TRIM16: variants seen among roughly 807,000 people sequenced by gnomAD.
TRIM16 encodes tripartite motif containing 16.
A neutral mutation model predicts 50.4 loss-of-function variants in TRIM16; 33 were observed. The observed-to-expected ratio is 0.65, with a 90% confidence interval of 0.50 to 0.88. The LOEUF is 0.88. Ranked by LOEUF, TRIM16 falls within the 40% of genes least tolerant of loss-of-function variation. TRIM16 has a pLI of 0.00. For synonymous variants in TRIM16, 229 were observed against 270.7 expected (o/e 0.85, Z 1.51); for missense variants, 581 against 686.8 (o/e 0.85, Z 1.72).
At chr17:15,677,984 G>A (rs1352632970) in intron 4 of TRIM16, among the ~76,000 whole-genome samples, 1 of 152,136 alleles carries the variant, frequency 6.6e-6, no homozygotes, top group South Asian at 2.1e-4. Flanking sequence ...TTGGGAGGCC[G>A]AGGTGGGCAG....
At chr17:15,671,812 A>C (rs908562366) in intron 6 of TRIM16, among the ~76,000 whole-genome samples, 4 of 152,204 alleles carry the variant, frequency 2.6e-5, no homozygotes, top group Non-Finnish European at 5.9e-5. Context: ...ATAAATAGTA[A>C]GTAAGCAGCA....
intron 6 of TRIM16, among the ~76,000 whole-genome samples, chr17:15,660,422 G>A (rs1331471393): frequency 1.3e-5 from 2 of 151,968 alleles, no homozygotes; most frequent in African/African-American, 2.4e-5. Flanking sequence ...TTGCTCAAAT[G>A]GTTTTGATTT....
chr17:15,660,621 G>A (rs1424636109), intron 6 of TRIM16, among the ~76,000 whole-genome samples: 2 of 152,114 alleles, frequency 1.3e-5, no homozygotes, highest in Admixed American at 1.3e-4. Context: ...CAGAGGGGCC[G>A]GGCGCGGTGG....
At chr17:15,656,094 A>C (rs1987968249) in intron 6 of TRIM16, among the ~76,000 whole-genome samples, 1 of 152,024 alleles carries the variant, frequency 6.6e-6, no homozygotes, top group East Asian at 1.9e-4. Context: ...GCTCATCTTC[A>C]GCCCTCTGGG....
In TRIM16 at chr17:15,628,653, C is replaced by T. The variant is rs953695231; in HGVS notation, c.1657G>A (p.Glu553Lys). ...IRIVDLGEEP[E>K]KPAPSLVGTA... ...CCCACCAAGGACGGTGCTGGCTTCT[C>T]GGGTTCCTCTCCCAGATCTACAATC... The change falls in exon 12 of 12, where the codon GAG becomes AAG. Residue 553 changes from glutamate (E) to lysine (K), a missense_variant. By Grantham distance (56) the Glu-to-Lys change is moderately conservative. Coordinates refer to ENST00000649191, the MANE Select transcript of TRIM16 (RefSeq NM_001348119.1). 9.3e-6 allele frequency: 15 copies of T among 1,613,604 alleles called. No homozygotes were observed. The highest frequency in any genetic ancestry group is 2.7e-5 in the African/African-American group (2 of 75,000).
intron 8 of TRIM16, among the ~76,000 whole-genome samples, chr17:15,641,176 A>G (rs1987099025): frequency 6.8e-6 from 1 of 147,690 alleles, no homozygotes. Flanking sequence ...ATTGAGAAAC[A>G]CTTCTTTCTT....
At chr17:15,637,334 C>T (rs1449663664) in intron 8 of TRIM16, among the ~76,000 whole-genome samples, 1 of 112,876 alleles carries the variant, frequency 8.9e-6, no homozygotes, top group African/African-American at 4.0e-5. Context: ...CCACCCCGTC[C>T]GGGAGGGAGA....
rs2654358 is a variant in TRIM16 at position 15,674,860 on chromosome 17, A to G, written c.-338+2316T>C. Among the ~76,000 whole-genome samples, 896 of 152,058 alleles carry G rather than the reference A, an allele frequency of 5.9e-3. 8 individuals are homozygous for G. Among genetic ancestry groups the G allele is most frequent in the African/African-American group, 0.02 (839 of 41,348 alleles). On this transcript the variant is annotated intron_variant, in intron 6 of 11. Transcript: ENST00000649191. ...ACAAAACAGTGGGATGAGGTAAAGC[A>G]AACAAAAGCTGCCCACAGGAGGGTA...
chr17:15,665,425 C>T (rs1389409909), intron 6 of TRIM16, among the ~76,000 whole-genome samples: 5 of 152,158 alleles, frequency 3.3e-5, no homozygotes, highest in African/African-American at 1.2e-4. Context: ...AGGAGAATGG[C>T]GTGAACCCGG....
Position 15,683,201 on chromosome 17 carries a change from G to A in TRIM16, c.-898-44C>T, listed in dbSNP as rs1393581718. 5.7e-6 allele frequency: 8 copies of A among 1,406,554 alleles called. No individual in the cohort carries two copies. In the Admixed American group the frequency reaches 1.5e-4, roughly 26 times the overall value. The allele number at this position is 1,406,554 out of a possible 1,614,324, so 87.1% of individuals were successfully genotyped here. A position where few individuals can be genotyped will look rare whatever the true frequency, so the allele number is the denominator to read the frequency against. On this transcript the variant is annotated intron_variant, in intron 1 of 11. Transcript: ENST00000649191. Reference sequence around the variant, plus strand: ...GATTGAAGTTTTCCCCTTTTTCATTGTATTTCTTTTTTCATTCTCTGAGAC... The same window carrying A: ...GATTGAAGTTTTCCCCTTTTTCATTATATTTCTTTTTTCATTCTCTGAGAC...
chr17:15,676,792 T>C (rs1204444273), intron 6 of TRIM16, among the ~76,000 whole-genome samples: 1 of 152,166 alleles, frequency 6.6e-6, no homozygotes, highest in Non-Finnish European at 1.5e-5. Context: ...CAACAAATTA[T>C]GTCAATTTTA....
At chr17:15,680,328 A>AGGCCCTCAATAATAAG (rs1989134337) in intron 4 of TRIM16, among the ~76,000 whole-genome samples, 1 of 112,204 alleles carries the variant, frequency 8.9e-6, no homozygotes, top group African/African-American at 4.5e-5. Flanking sequence ...TATATTGAGT[A>AGGCCCTCAATAATAAG]GGCCCTTAAT....
intron 4 of TRIM16, among the ~76,000 whole-genome samples, chr17:15,680,618 A>G (rs976213607): frequency 5.3e-5 from 8 of 152,018 alleles, no homozygotes; most frequent in African/African-American, 1.9e-4. Context: ...CGAGGCTACC[A>G]AGCCTCCTGA....
intron 7 of TRIM16, among the ~76,000 whole-genome samples, chr17:15,650,255 G>T (rs1987621878): frequency 6.6e-6 from 1 of 152,180 alleles, no homozygotes; most frequent in African/African-American, 2.4e-5. Context: ...TAGGAAATGT[G>T]GGGCAAACGT....
chr17:15,651,454 G>A lies in TRIM16; in HGVS notation c.156C>T (p.Gly52=), dbSNP rs755266781. The A allele has an allele frequency of 1.2e-6, 2 of 1,612,090 alleles. No homozygotes were observed. Among genetic ancestry groups the A allele is most frequent in the Non-Finnish European group, 1.7e-6 (2 of 1,178,628 alleles). ...CGCTGTCCTGTTCCTCCGTCTCCCT[G>A]CCAAGCTTCTCCGAGGAGCCCACGT... ...EEDVGSSEKL[G]RETEEQDSDS... is the part of the protein sequence containing the mutation. The change falls in exon 7 of 12, where the codon GGC becomes GGT. Residue 52 remains glycine (G), a synonymous_variant. Coordinates refer to ENST00000649191, the MANE Select transcript of TRIM16 (RefSeq NM_001348119.1).
chr17:15,683,175 G>A lies in TRIM16; in HGVS notation c.-898-18C>T, dbSNP rs1989251342. 2.0e-6 allele frequency: 3 copies of A among 1,515,694 alleles called. No homozygotes were observed. The African/African-American group carries it at 4.2e-5, about 21-fold the overall frequency. The allele number at this position is 1,515,694 out of a possible 1,614,324, so 93.9% of individuals were successfully genotyped here. ...ACCAGAAACTGTGGTAAGAGGTTCTGGATTGAAGTTTTCCCCTTTTTCATT... is the reference window on the plus strand; with the variant it reads ...ACCAGAAACTGTGGTAAGAGGTTCTAGATTGAAGTTTTCCCCTTTTTCATT... On this transcript the variant is annotated intron_variant, in intron 1 of 11. Coordinates refer to ENST00000649191, the MANE Select transcript of TRIM16 (RefSeq NM_001348119.1).
chr17:15,651,008 G>C (rs1987663325), intron 7 of TRIM16, 83 bp downstream of exon 7: 1 of 1,532,670 alleles, frequency 6.5e-7, no homozygotes, highest in Non-Finnish European at 8.8e-7. Flanking sequence ...AGTGGCGTCA[G>C]TGGACCTAGC....
chr17:15,632,067 C>T (rs1337977106), intron 10 of TRIM16: 1 of 338,412 alleles, frequency 3.0e-6, no homozygotes, highest in Non-Finnish European at 5.6e-6. Flanking sequence ...CCATTAGTAA[C>T]ATACCCTGTC....
chr17:15,680,663 G>T (rs163382), intron 4 of TRIM16, among the ~76,000 whole-genome samples: 50,046 of 151,798 alleles, frequency 0.33, 10,488 homozygotes, highest in African/African-American at 0.59. Flanking sequence ...TGAGGAACAC[G>T]CAAACACCAT....
Sources: allele counts gnomAD v4.1 joint callset (sites outside exome capture counted in the v4.1 genomes callset), GRCh38; gene constraint gnomAD v4.1.1; transcripts MANE v1.5; gene names NCBI Gene and HGNC (gene_info 2026-07-23, HGNC 2026-07-21).